Variants in PPP1R9A observed in about 807,000 individuals in gnomAD.
PPP1R9A encodes neurabin-1.
Under a neutral mutation model 141.9 loss-of-function variants are expected in PPP1R9A, and 59 were observed. The observed-to-expected ratio is 0.42, with a 90% CI of 0.34 to 0.52. PPP1R9A has a LOEUF of 0.52. Ranked by LOEUF, PPP1R9A falls within the 20% of genes least tolerant of loss-of-function variation. PPP1R9A has a pLI of 0.10. For missense variants in PPP1R9A, 1,444 were observed against 1,611.9 expected, an observed-to-expected ratio of 0.90 and a Z score of 1.78; for synonymous variants, 500 against 569.7, an observed-to-expected ratio of 0.88 and a Z score of 1.74.
chr7:95,078,281 T>C (rs1341469513), intron 2 of PPP1R9A, among the ~76,000 whole-genome samples: 1 of 151,968 alleles, frequency 6.6e-6, no homozygotes, highest in African/African-American at 2.4e-5. Context: ...ATTTCCAATT[T>C]CATCCATGTC....
At chr7:94,990,304 A>C (rs555358526) in intron 2 of PPP1R9A, among the ~76,000 whole-genome samples, 120 of 152,310 alleles carry the variant, frequency 7.9e-4, no homozygotes, top group African/African-American at 2.8e-3. Flanking sequence ...TAAGGATTAT[A>C]GAGCCAAATG....
rs1006673615 is a variant in PPP1R9A at position 95,271,531 on chromosome 7, A to AT, written c.3124+2031dup. On this transcript the variant is annotated intron_variant, in intron 14 of 19. Transcript: ENST00000433360. ...ATGATGGGGGAAATAGGATTAACTC[A>AT]TTTTTTTAACAGAGGAGGTCATGAG... 9.8e-5 allele frequency among the ~76,000 whole-genome samples: 15 copies of AT among 152,290 alleles called. No homozygotes were observed. In the South Asian group the frequency reaches 2.7e-3, roughly 27 times the overall value.
At chr7:95,213,038 G>A (rs952829689) in intron 7 of PPP1R9A, among the ~76,000 whole-genome samples, 5 of 152,124 alleles carry the variant, frequency 3.3e-5, no homozygotes, top group African/African-American at 7.2e-5. Flanking sequence ...TGCCATACTC[G>A]GAGAAAATTC....
intron 5 of PPP1R9A, among the ~76,000 whole-genome samples, chr7:95,163,637 T>C (rs1830749074): frequency 6.6e-6 from 1 of 152,184 alleles, no homozygotes; most frequent in Admixed American, 6.5e-5. Flanking sequence ...GCTCAAAAAG[T>C]TCTGAGTGTT....
intron 2 of PPP1R9A, among the ~76,000 whole-genome samples, chr7:94,951,370 G>T (rs190971505): frequency 6.6e-6 from 1 of 151,670 alleles, no homozygotes; most frequent in Non-Finnish European, 1.5e-5. Context: ...GTTAATTTTT[G>T]TTAGGTATAT....
Position 95,269,405 on chromosome 7 carries a change from T to G in PPP1R9A, c.3022T>G (p.Trp1008Gly). Residue 1008 changes from tryptophan to glycine, a missense_variant, in exon 14 of 20, where the codon TGG becomes GGG. By Grantham distance (184) the Trp-to-Gly change is radical. This residue lies in a region of PPP1R9A where 459 missense variants were observed against 513.8 expected (regional missense o/e 0.89). Coordinates refer to ENST00000433360, the MANE Select transcript of PPP1R9A (RefSeq NM_001166160.2). ...AGAAATGGGGCCTCTCTCCTCTATG[T>G]GGGGAGACACTTCACTGTTTTCTAC... Reference protein sequence around the residue: ...DPEMGPLSSMWGDTSLFSTSK... With the variant: ...DPEMGPLSSMGGDTSLFSTSK... The G allele has an allele frequency of 6.3e-7, 1 of 1,595,452 alleles. No homozygotes were observed. The highest frequency in any genetic ancestry group is 8.5e-7 in the Non-Finnish European group (1 of 1,176,316).
intron 2 of PPP1R9A, among the ~76,000 whole-genome samples, chr7:94,925,154 A>G (rs1474539364): frequency 6.6e-6 from 1 of 152,156 alleles, no homozygotes; most frequent in African/African-American, 2.4e-5. Flanking sequence ...CTAGAGATTC[A>G]GGGAAGAGCT....
chr7:95,264,740 C>G (rs2153038415), intron 12 of PPP1R9A, among the ~76,000 whole-genome samples: 1 of 152,210 alleles, frequency 6.6e-6, no homozygotes, highest in South Asian at 2.1e-4. Context: ...TTCTGTATTT[C>G]TAGCTGCATT....
intron 5 of PPP1R9A, among the ~76,000 whole-genome samples, chr7:95,168,840 G>A (rs1234474): frequency 0.28 from 43,176 of 151,744 alleles, 7,545 homozygotes; most frequent in Middle Eastern, 0.43. Flanking sequence ...TAAGATATCC[G>A]CTTACCCCAA....
chr7:95,105,641 C>G (rs1819407551), intron 2 of PPP1R9A, among the ~76,000 whole-genome samples: 1 of 152,114 alleles, frequency 6.6e-6, no homozygotes, highest in African/African-American at 2.4e-5. Flanking sequence ...TTTTGTGTTG[C>G]TGGAATACCA....
At chr7:94,976,868 C>A (rs1287613547) in intron 2 of PPP1R9A, among the ~76,000 whole-genome samples, 3 of 151,962 alleles carry the variant, frequency 2.0e-5, no homozygotes, top group African/African-American at 4.8e-5. Flanking sequence ...ACTACAGTGA[C>A]CAAAACAGAC....
At chr7:95,237,179 ATTTT>A (rs1309474881) in intron 8 of PPP1R9A, among the ~76,000 whole-genome samples, 1 of 125,602 alleles carries the variant, frequency 8.0e-6, no homozygotes. Flanking sequence ...ATATATATAT[ATTTT>A]TTTTTTTTTA....
intron 2 of PPP1R9A, among the ~76,000 whole-genome samples, chr7:95,012,243 A>T (rs1350234447): frequency 1.3e-5 from 2 of 152,138 alleles, no homozygotes; most frequent in African/African-American, 4.8e-5. Context: ...CAGGAAACTT[A>T]CTGAGGTCAT....
intron 2 of PPP1R9A, among the ~76,000 whole-genome samples, chr7:95,020,005 G>T (rs1193645002): frequency 6.6e-6 from 1 of 151,852 alleles, no homozygotes; most frequent in Admixed American, 6.6e-5. Flanking sequence ...CCAAACAGTG[G>T]ACTCAGCAGT....
intron 6 of PPP1R9A, among the ~76,000 whole-genome samples, chr7:95,200,170 A>G (rs545705163): frequency 9.8e-4 from 149 of 151,766 alleles, no homozygotes; most frequent in African/African-American, 3.5e-3. Context: ...TTTTTAAGGC[A>G]CTCCAAGTAA....
chr7:95,020,474 T>C (rs914305148), intron 2 of PPP1R9A, among the ~76,000 whole-genome samples: 4 of 152,182 alleles, frequency 2.6e-5, no homozygotes, highest in African/African-American at 7.2e-5. Context: ...TATTTATTTG[T>C]ATTATACTTT....
chr7:95,077,976 G>GT (rs371101650), intron 2 of PPP1R9A, among the ~76,000 whole-genome samples: 65,103 of 139,334 alleles, frequency 0.47, 16,652 homozygotes, highest in Non-Finnish European at 0.61. Flanking sequence ...CTTCTACTCT[G>GT]TTTTTTTTTT....
intron 2 of PPP1R9A, among the ~76,000 whole-genome samples, chr7:94,975,587 C>T (rs763184162): frequency 6.6e-6 from 1 of 151,822 alleles, no homozygotes; most frequent in African/African-American, 2.4e-5. Flanking sequence ...GTTTGGAACT[C>T]AGAACACATT....
At chr7:95,197,272 C>T (rs888924231) in intron 5 of PPP1R9A, among the ~76,000 whole-genome samples, 7 of 152,014 alleles carry the variant, frequency 4.6e-5, no homozygotes, top group East Asian at 1.9e-4. Context: ...ACACATTATT[C>T]GTATTTTTAG....
Sources: allele counts gnomAD v4.1 joint callset (sites outside exome capture counted in the v4.1 genomes callset), GRCh38; gene constraint gnomAD v4.1.1; regional missense constraint gnomAD v4.1.1; transcripts MANE v1.5; gene names NCBI Gene and HGNC (gene_info 2026-07-23, HGNC 2026-07-21).